CCDC171: variants seen among roughly 807,000 people sequenced by gnomAD.
The protein encoded by CCDC171 is coiled-coil domain containing 171, also known as coiled-coil domain-containing protein 171.
CCDC171 carries 177 observed loss-of-function variants against 168.2 expected under a neutral mutation model. The observed-to-expected ratio is 1.05, with a 90% CI of 0.93 to 1.19. CCDC171 has a LOEUF of 1.19. Among genes scored for constraint, CCDC171 ranks in the 50% most tolerant of loss-of-function variants. The probability of loss-of-function intolerance (pLI) is 0.00; values close to 1 mark genes in which losing one functional copy is unlikely to be tolerated. For missense variants in CCDC171, 1,991 were observed against 1,539.0 expected (o/e 1.29, Z -4.91); for synonymous variants, 687 against 540.8 (o/e 1.27, Z -3.75).
chr9:16,035,191 G>C (rs545099614), intron 6 of CCDC171, among the ~76,000 whole-genome samples: 1 of 152,314 alleles, frequency 6.6e-6, no homozygotes, highest in East Asian at 1.9e-4. Context: ...CATTTGGAGA[G>C]ATCCTTCAAA....
chr9:15,978,641 T>C (rs1413015477), downstream of CCDC171, among the ~76,000 whole-genome samples: 1 of 152,192 alleles, frequency 6.6e-6, no homozygotes, highest in Non-Finnish European at 1.5e-5. Context: ...CAGTCACCCT[T>C]TGACTAGATT....
At chr9:15,732,932 A>G (rs1368669402) in intron 16 of CCDC171, among the ~76,000 whole-genome samples, 1 of 152,174 alleles carries the variant, frequency 6.6e-6, no homozygotes, top group Non-Finnish European at 1.5e-5. Context: ...CTAGCAATGT[A>G]AGAGATTTTG....
At chr9:15,993,610 G>A (rs1046243947) in intron 3 of CCDC171, among the ~76,000 whole-genome samples, 8 of 152,196 alleles carry the variant, frequency 5.3e-5, no homozygotes, top group South Asian at 2.1e-4. Flanking sequence ...TAATTAAACT[G>A]AAGAGCTTCT....
intron 3 of CCDC171, among the ~76,000 whole-genome samples, chr9:15,985,533 TAC>T (rs562042938): frequency 6.2e-4 from 95 of 152,316 alleles, no homozygotes; most frequent in African/African-American, 2.2e-3. Flanking sequence ...GACCTATTGT[TAC>T]ACTACCTTAC....
At chr9:15,773,265 A>G (rs1051374841) in intron 18 of CCDC171, among the ~76,000 whole-genome samples, 1 of 152,156 alleles carries the variant, frequency 6.6e-6, no homozygotes, top group Non-Finnish European at 1.5e-5. Context: ...TTATTCACGC[A>G]TATATTTTGT....
chr9:15,978,410 C>T (rs1172991240), downstream of CCDC171, among the ~76,000 whole-genome samples: 1 of 152,008 alleles, frequency 6.6e-6, no homozygotes, highest in South Asian at 2.1e-4. Flanking sequence ...GACTGGTGCA[C>T]GACAGGTGGG....
At chr9:15,888,324 A>T (rs908544844) in intron 24 of CCDC171, among the ~76,000 whole-genome samples, 1 of 152,190 alleles carries the variant, frequency 6.6e-6, no homozygotes, top group African/African-American at 2.4e-5. Flanking sequence ...CCTGTTAAAC[A>T]TGTGCCTTCA....
chr9:15,898,447 T>A (rs1821187961), intron 24 of CCDC171, among the ~76,000 whole-genome samples: 1 of 152,190 alleles, frequency 6.6e-6, no homozygotes, highest in South Asian at 2.1e-4. Flanking sequence ...TAGTATCTGA[T>A]AATCTCTCAT....
intron 6 of CCDC171, among the ~76,000 whole-genome samples, chr9:15,617,974 G>T (rs2044215320): frequency 6.6e-6 from 1 of 152,132 alleles, no homozygotes; most frequent in African/African-American, 2.4e-5. Flanking sequence ...CCAGTCAGGA[G>T]GCAGGGGGGT....
At chr9:15,705,288 C>T (rs531832740) in intron 11 of CCDC171, among the ~76,000 whole-genome samples, 6 of 152,270 alleles carry the variant, frequency 3.9e-5, no homozygotes, top group African/African-American at 1.4e-4. Flanking sequence ...GAAACTACAA[C>T]AACAAAAAAC....
At chr9:16,067,384 C>T in the CCDC171 span, among the ~76,000 whole-genome samples, 11 of 152,108 alleles carry the variant, frequency 7.2e-5, no homozygotes, top group East Asian at 5.8e-4. Context: ...ATGAGTAGGT[C>T]GCGAAAATTG....
At chr9:15,707,893 G>A (rs1422295700) in intron 11 of CCDC171, among the ~76,000 whole-genome samples, 1 of 152,156 alleles carries the variant, frequency 6.6e-6, no homozygotes, top group Non-Finnish European at 1.5e-5. Context: ...TGTCGCCCAG[G>A]CTGAAATGCA....
At chr9:15,915,974 A>C (rs1279235062) in intron 24 of CCDC171, among the ~76,000 whole-genome samples, 1 of 152,046 alleles carries the variant, frequency 6.6e-6, no homozygotes, top group African/African-American at 2.4e-5. Context: ...ACCTGGTTAT[A>C]GTGTATTATC....
At chr9:15,596,095 G>T (rs1360946779) in intron 6 of CCDC171, among the ~76,000 whole-genome samples, 2 of 152,088 alleles carry the variant, frequency 1.3e-5, no homozygotes, top group Non-Finnish European at 2.9e-5. Flanking sequence ...TCTGTAGGTT[G>T]CCTGTTCACT....
intron 6 of CCDC171, among the ~76,000 whole-genome samples, chr9:15,602,647 CTTTTTTTT>C (rs1161286304): frequency 1.3e-4 from 4 of 30,464 alleles, no homozygotes; most frequent in South Asian, 2.9e-3. Context: ...TTTTTTTTTT[CTTTTTTTT>C]TTTTTTTTTT....
intron 11 of CCDC171, among the ~76,000 whole-genome samples, chr9:15,714,062 G>A (rs2052894358): frequency 6.6e-6 from 1 of 152,120 alleles, no homozygotes; most frequent in African/African-American, 2.4e-5. Flanking sequence ...AATTGCAGCA[G>A]CAATTGGAGT....
intron 25 of CCDC171, among the ~76,000 whole-genome samples, chr9:15,941,556 T>C (rs1371204937): frequency 6.6e-6 from 1 of 152,022 alleles, no homozygotes; most frequent in Non-Finnish European, 1.5e-5. Flanking sequence ...ACAAGTTCCA[T>C]TCATCTGATC....
At chr9:15,583,959 C>T (rs1020990340) in intron 4 of CCDC171, among the ~76,000 whole-genome samples, 1 of 152,126 alleles carries the variant, frequency 6.6e-6, no homozygotes, top group Non-Finnish European at 1.5e-5. Flanking sequence ...CCACCGCCTC[C>T]CGGGTTCAAG....
At chr9:15,568,700 T>C (rs536307309) in intron 2 of CCDC171, among the ~76,000 whole-genome samples, 89 of 152,368 alleles carry the variant, frequency 5.8e-4, no homozygotes, top group Non-Finnish European at 1.0e-3. Flanking sequence ...GCTGCATGTA[T>C]GTCTTCTCTT....
Sources: allele counts gnomAD v4.1 joint callset (sites outside exome capture counted in the v4.1 genomes callset), GRCh38; gene constraint gnomAD v4.1.1; transcripts MANE v1.5; gene names NCBI Gene and HGNC (gene_info 2026-07-23, HGNC 2026-07-21).